GRM7: variants seen among roughly 807,000 people sequenced by gnomAD.
The protein encoded by GRM7 is metabotropic glutamate receptor 7.
In GRM7, 35 loss-of-function variants were observed where a neutral mutation model predicts 84.5. That is an observed-to-expected ratio of 0.41 (90% confidence interval 0.32 to 0.55). GRM7 has a LOEUF of 0.55. Among genes scored for constraint, GRM7 ranks in the 20% least tolerant of loss-of-function variants. GRM7 has a pLI of 0.19. For synonymous variants in GRM7, 487 were observed against 455.1 expected, an observed-to-expected ratio of 1.07 and a Z score of -0.89; for missense variants, 1,003 against 1,194.6, an observed-to-expected ratio of 0.84 and a Z score of 2.36.
chr3:7,245,450 A>G (rs1697722496), intron 2 of GRM7, among the ~76,000 whole-genome samples: 1 of 152,034 alleles, frequency 6.6e-6, no homozygotes, highest in African/African-American at 2.4e-5. Flanking sequence ...ACAATAAGCA[A>G]TGCTGGACCT....
chr3:7,737,375 A>G (rs997888159), intron 9 of GRM7, among the ~76,000 whole-genome samples: 2 of 152,194 alleles, frequency 1.3e-5, no homozygotes, highest in Admixed American at 1.3e-4. Context: ...GGACAATGCC[A>G]TATACTATTA....
chr3:7,084,685 G>A (rs2125001463), intron 1 of GRM7, among the ~76,000 whole-genome samples: 1 of 152,218 alleles, frequency 6.6e-6, no homozygotes, highest in South Asian at 2.1e-4. Context: ...GAGCCGTTGG[G>A]CAGGTGATTA....
chr3:7,440,110 A>G (rs1161162588), intron 5 of GRM7, among the ~76,000 whole-genome samples: 1 of 152,208 alleles, frequency 6.6e-6, no homozygotes, highest in African/African-American at 2.4e-5. Flanking sequence ...AGCTTAGCAG[A>G]TACAGGATCA....
chr3:7,070,191 A>T (rs1286168153), intron 1 of GRM7, among the ~76,000 whole-genome samples: 1 of 152,162 alleles, frequency 6.6e-6, no homozygotes, highest in East Asian at 1.9e-4. Context: ...TAGAATATTT[A>T]ATGAAATGTA....
At position 7,658,101 on chromosome 3, in the gene GRM7, G is replaced by T. The variant is rs146842832; in HGVS notation, c.2452-21948G>T. 9.9e-5 allele frequency among the ~76,000 whole-genome samples: 15 copies of T among 152,260 alleles called. No individual in the cohort carries two copies. The East Asian group carries it at 2.3e-3, about 24-fold the overall frequency. ...ATTCCCAAGTTTAGGTGCATCAAAA[G>T]GTATTCCTTATGGCTGCATGGAGGA... On this transcript the variant is annotated intron_variant, in intron 8 of 9. Coordinates refer to ENST00000357716, the MANE Select transcript of GRM7 (RefSeq NM_000844.4).
At chr3:7,553,580 C>G (rs1575486818) in intron 7 of GRM7, among the ~76,000 whole-genome samples, 2 of 152,096 alleles carry the variant, frequency 1.3e-5, no homozygotes, top group Non-Finnish European at 2.9e-5. Flanking sequence ...CCTCAAGAGA[C>G]TTACAATTAT....
chr3:7,060,868 A>C (rs1335864554), intron 1 of GRM7, among the ~76,000 whole-genome samples: 1 of 151,758 alleles, frequency 6.6e-6, no homozygotes, highest in Non-Finnish European at 1.5e-5. Context: ...TTTGTGTCCT[A>C]TCATTGTTTA....
chr3:6,990,605 A>G (rs140080091), intron 1 of GRM7, among the ~76,000 whole-genome samples: 169 of 152,240 alleles, frequency 1.1e-3, no homozygotes, highest in African/African-American at 4.0e-3. Context: ...TTTTTAACAA[A>G]TGCTGGGTTT....
chr3:7,205,080 T>C (rs1696190764), intron 2 of GRM7, among the ~76,000 whole-genome samples: 1 of 152,192 alleles, frequency 6.6e-6, no homozygotes, highest in Non-Finnish European at 1.5e-5. Context: ...GATTGAAGCA[T>C]GAGCATATGA....
intron 7 of GRM7, among the ~76,000 whole-genome samples, chr3:7,525,890 T>A (rs1002453139): frequency 6.6e-6 from 1 of 152,188 alleles, no homozygotes; most frequent in South Asian, 2.1e-4. Context: ...AATGATTTTG[T>A]TCTTTTTTAT....
chr3:7,531,920 G>C (rs1701052432), intron 7 of GRM7, among the ~76,000 whole-genome samples: 1 of 152,120 alleles, frequency 6.6e-6, no homozygotes, highest in Admixed American at 6.6e-5. Flanking sequence ...TACCTATTCA[G>C]TATGTTATTG....
intron 4 of GRM7, among the ~76,000 whole-genome samples, chr3:7,335,359 A>G (rs1272057300): frequency 6.6e-6 from 1 of 152,064 alleles, no homozygotes; most frequent in East Asian, 1.9e-4. Context: ...AATTATTTGG[A>G]TTGAATAATA....
intron 7 of GRM7, among the ~76,000 whole-genome samples, chr3:7,468,159 C>T (rs1393665944): frequency 2.6e-5 from 4 of 152,144 alleles, no homozygotes; most frequent in Admixed American, 6.5e-5. Flanking sequence ...TTATTATACT[C>T]ATAATTTACA....
chr3:7,078,294 C>T (rs1304349169), intron 1 of GRM7, among the ~76,000 whole-genome samples: 4 of 152,178 alleles, frequency 2.6e-5, no homozygotes, highest in Non-Finnish European at 4.4e-5. Context: ...GTTAGAAATG[C>T]AGAACCACAG....
intron 1 of GRM7, among the ~76,000 whole-genome samples, chr3:7,143,737 C>T (rs1574956826): frequency 6.6e-6 from 1 of 152,042 alleles, no homozygotes; most frequent in Admixed American, 6.6e-5. Context: ...TTATTAGCAC[C>T]CTTTCAAAGG....
At chr3:6,932,982 T>C (rs1024258936) in intron 1 of GRM7, among the ~76,000 whole-genome samples, 1 of 152,098 alleles carries the variant, frequency 6.6e-6, no homozygotes, top group Non-Finnish European at 1.5e-5. Flanking sequence ...CTCAGACTCC[T>C]GACCTCAGGT....
At chr3:7,017,106 T>A (rs1437475448) in intron 1 of GRM7, among the ~76,000 whole-genome samples, 1 of 152,188 alleles carries the variant, frequency 6.6e-6, no homozygotes, top group African/African-American at 2.4e-5. Context: ...GCTATTGCTG[T>A]CTCTAAGAAG....
intron 1 of GRM7, among the ~76,000 whole-genome samples, chr3:6,905,769 T>C (rs1279328382): frequency 1.3e-5 from 2 of 152,190 alleles, no homozygotes; most frequent in African/African-American, 4.8e-5. Flanking sequence ...AAAAAGATAA[T>C]TCTTATCTGG....
At chr3:7,625,851 G>A (rs145450289) in intron 8 of GRM7, among the ~76,000 whole-genome samples, 59 of 152,262 alleles carry the variant, frequency 3.9e-4, no homozygotes, top group African/African-American at 1.4e-3. Flanking sequence ...GCTGGAGAAG[G>A]GCATTTGTAT....
Sources: gnomAD v4.1 joint callset for allele counts (sites outside exome capture counted in the v4.1 genomes callset) on GRCh38, gnomAD v4.1.1 for gene constraint, MANE v1.5 for transcripts, NCBI Gene and HGNC (gene_info 2026-07-23, HGNC 2026-07-21) for gene names.